The following GASK1B variants were observed in gnomAD, a reference collection of about 807,000 sequenced individuals.
The protein encoded by GASK1B is golgi associated kinase 1B.
Under a neutral mutation model 42.8 loss-of-function variants are expected in GASK1B, and 34 were observed. That is an observed-to-expected ratio of 0.79 (90% confidence interval 0.60 to 1.06). The LOEUF is 1.06. Among genes scored for constraint, GASK1B ranks in the 50% least tolerant of loss-of-function variants. The pLI is 0.00. For synonymous variants in GASK1B, 262 were observed against 259.1 expected (o/e 1.01, Z -0.11); for missense variants, 686 against 661.0 (o/e 1.04, Z -0.42).
intron 3 of GASK1B, among the ~76,000 whole-genome samples, chr4:158,149,308 T>A (rs981950212): frequency 6.6e-6 from 1 of 152,258 alleles, no homozygotes; most frequent in Non-Finnish European, 1.5e-5. Context: ...ACAGTGAGGA[T>A]AATCACATTG....
rs777968076 is a variant in GASK1B at position 158,155,617 on chromosome 4, C to CA, written c.1118dup (p.Leu373PhefsTer6). 7.8e-4 allele frequency: 1,259 copies of CA among 1,613,012 alleles called. No individual in the cohort carries two copies. The highest frequency in any genetic ancestry group is 9.9e-4 in the Non-Finnish European group (1,167 of 1,179,364). ...CTTGATTTGATAAACTTACCTGTAA[C>CA]AAAAAATCAAAGAGTGCCATCTTGG... On this transcript the variant is annotated frameshift_variant, in exon 3 of 5. Coordinates refer to ENST00000585682, the MANE Select transcript of GASK1B (RefSeq NM_001128424.2). LOFTEE classifies it high-confidence loss of function.
At chr4:158,130,713 G>T in intron 4 of GASK1B, 73 bp downstream of exon 4, 1 of 1,113,864 alleles carries the variant, frequency 9.0e-7, no homozygotes, top group Non-Finnish European at 1.3e-6. Flanking sequence ...GATGTAAGAT[G>T]TGAGTTTTCT....
chr4:158,153,052 G>A (rs1731617690), intron 3 of GASK1B, among the ~76,000 whole-genome samples: 1 of 152,126 alleles, frequency 6.6e-6, no homozygotes, highest in Non-Finnish European at 1.5e-5. Flanking sequence ...TAAAGAGGAA[G>A]TCAAACTGTC....
At position 158,170,860 on chromosome 4, in the gene GASK1B, C is replaced by G; in HGVS notation, c.516G>C (p.Leu172=). The change falls in exon 2 of 5, where the codon CTG becomes CTC. Residue 172 remains leucine, a synonymous_variant. Transcript: ENST00000585682. ...TCCAGGGTCGCTCTCCAATCTTAAC[C>G]AGGTTTGCTCCCTGAGCGTACCCAG... The part of the protein sequence containing the change: ...VAPGYAQGAN[L]VKIGERPWRL... The G allele has an allele frequency of 6.2e-7, 1 of 1,614,240 alleles. No homozygotes were observed. The highest frequency in any genetic ancestry group is 8.5e-7 in the Non-Finnish European group (1 of 1,180,030).
chr4:158,140,330 T>C (rs1731066448), intron 3 of GASK1B, among the ~76,000 whole-genome samples: 2 of 152,184 alleles, frequency 1.3e-5, no homozygotes, highest in South Asian at 4.1e-4. Context: ...ATAAACATCA[T>C]GAATATGGTT....
At chr4:158,130,763 G>T (rs764582680) in intron 4 of GASK1B, 23 bp downstream of exon 4, 2 of 1,539,740 alleles carry the variant, frequency 1.3e-6, no homozygotes, top group African/African-American at 1.4e-5. Context: ...GTGATGTCCT[G>T]CAGATGTTAC....
intron 2 of GASK1B, chr4:158,170,147 C>T (rs750509992): frequency 4.5e-6 from 6 of 1,341,148 alleles, no homozygotes; most frequent in Non-Finnish European, 6.2e-6. Flanking sequence ...GCTTCCTCTC[C>T]TCATCATGCA....
chr4:158,145,921 C>A (rs766861084), intron 3 of GASK1B, among the ~76,000 whole-genome samples: 25 of 152,136 alleles, frequency 1.6e-4, no homozygotes, highest in African/African-American at 2.4e-4. Context: ...ATTAATTTAT[C>A]ATTAAATAAA....
intron 2 of GASK1B, among the ~76,000 whole-genome samples, chr4:158,156,705 A>G (rs748275299): frequency 8.5e-5 from 13 of 152,172 alleles, no homozygotes; most frequent in Non-Finnish European, 1.5e-4. Flanking sequence ...TTTCTGCCCA[A>G]TAAAGTCACA....
intron 2 of GASK1B, among the ~76,000 whole-genome samples, chr4:158,161,724 T>G (rs991292219): frequency 1.3e-5 from 2 of 152,204 alleles, no homozygotes; most frequent in Non-Finnish European, 2.9e-5. Flanking sequence ...TGTGCCAGAC[T>G]CTACAATCAC....
At chr4:158,148,422 TTA>T (rs1260075970) in intron 3 of GASK1B, among the ~76,000 whole-genome samples, 1 of 152,166 alleles carries the variant, frequency 6.6e-6, no homozygotes, top group Non-Finnish European at 1.5e-5. Context: ...CTACAAGAAA[TTA>T]GCCTCTTACA....
chr4:158,130,122 G>A (rs1730621130), intron 4 of GASK1B, among the ~76,000 whole-genome samples: 1 of 152,132 alleles, frequency 6.6e-6, no homozygotes, highest in African/African-American at 2.4e-5. Flanking sequence ...GATCTTCCCT[G>A]AATTCTTGGT....
intron 3 of GASK1B, among the ~76,000 whole-genome samples, chr4:158,133,708 C>T (rs1730770746): frequency 6.6e-6 from 1 of 152,172 alleles, no homozygotes; most frequent in African/African-American, 2.4e-5. Context: ...TAAAGTACTT[C>T]GTCTGATCTA....
At chr4:158,134,565 A>G (rs1280187983) in intron 3 of GASK1B, among the ~76,000 whole-genome samples, 4 of 152,202 alleles carry the variant, frequency 2.6e-5, no homozygotes, top group Non-Finnish European at 5.9e-5. Context: ...AATACTGCCA[A>G]TCACCATTTT....
chr4:158,137,308 A>C (rs1340822501), intron 3 of GASK1B, among the ~76,000 whole-genome samples: 3 of 152,158 alleles, frequency 2.0e-5, no homozygotes, highest in Non-Finnish European at 4.4e-5. Flanking sequence ...GTTTTCTGGA[A>C]GATTTCTTTC....
chr4:158,131,105 C>T (rs1271233700), intron 3 of GASK1B, 93 bp from the exon 4 acceptor site: 7 of 1,049,750 alleles, frequency 6.7e-6, no homozygotes, highest in South Asian at 6.3e-5. Context: ...TTCTGAATAG[C>T]TGACTTGCCA....
chr4:158,153,562 A>T (rs1272636652), intron 3 of GASK1B, among the ~76,000 whole-genome samples: 1 of 152,212 alleles, frequency 6.6e-6, no homozygotes, highest in Non-Finnish European at 1.5e-5. Flanking sequence ...GGACTAAGCA[A>T]AAAGAACAAA....
At chr4:158,130,539 C>T (rs543410705) in intron 4 of GASK1B, among the ~76,000 whole-genome samples, 2 of 152,274 alleles carry the variant, frequency 1.3e-5, no homozygotes, top group Admixed American at 1.3e-4. Flanking sequence ...AACCAAGCAA[C>T]ATCATGAATG....
chr4:158,141,678 C>T (rs1489702224), intron 3 of GASK1B, among the ~76,000 whole-genome samples: 1 of 143,014 alleles, frequency 7.0e-6, no homozygotes, highest in Non-Finnish European at 1.5e-5. Context: ...GCGATCTCGG[C>T]TCACTGCAAG....
Sources: allele counts gnomAD v4.1 joint callset (sites outside exome capture counted in the v4.1 genomes callset), GRCh38; gene constraint gnomAD v4.1.1; transcripts MANE v1.5; gene names NCBI Gene and HGNC (gene_info 2026-07-23, HGNC 2026-07-21).